The following EXOSC4 variants were observed in gnomAD, a reference collection of about 807,000 sequenced individuals.
EXOSC4 encodes exosome complex component RRP41.
A neutral mutation model predicts 20.0 loss-of-function variants in EXOSC4; 14 were observed. That is an observed-to-expected ratio of 0.70 (90% CI 0.46 to 1.09). The LOEUF (loss-of-function observed/expected upper bound fraction) is 1.09. Ranked by LOEUF, EXOSC4 falls within the 50% of genes least tolerant of loss-of-function variation. The pLI, the probability that EXOSC4 is intolerant of heterozygous loss-of-function variation, is 0.00. For synonymous variants in EXOSC4, 148 were observed against 146.4 expected (o/e 1.01, Z -0.08); for missense variants, 337 against 334.0 (o/e 1.01, Z -0.07).
the EXOSC4 span, among the ~76,000 whole-genome samples, chr8:144,066,610 T>G: frequency 6.6e-6 from 1 of 151,532 alleles, no homozygotes; most frequent in Admixed American, 6.6e-5. Context: ...CCTGGCTAAT[T>G]TTTTTGTATT....
At chr8:144,075,457 A>T (rs890590433), upstream of EXOSC4, among the ~76,000 whole-genome samples, 3 of 151,986 alleles carry the variant, frequency 2.0e-5, no homozygotes, top group Non-Finnish European at 4.4e-5. Context: ...CGATCTCCTG[A>T]CCTCGTGATC....
At chr8:144,075,284 T>C (rs938738581), upstream of EXOSC4, among the ~76,000 whole-genome samples, 3 of 151,736 alleles carry the variant, frequency 2.0e-5, no homozygotes, top group Non-Finnish European at 4.4e-5. Context: ...TGGAGTGCAG[T>C]GGTGCGATTT....
At chr8:144,073,277 T>C in the EXOSC4 span, among the ~76,000 whole-genome samples, 1 of 152,138 alleles carries the variant, frequency 6.6e-6, no homozygotes, top group East Asian at 1.9e-4. Context: ...TCCTAGCTAC[T>C]TGGGAAGCTG....
chr8:144,080,273 C>G lies in EXOSC4; in HGVS notation c.410C>G (p.Ala137Gly). 1 of 1,613,836 alleles carries G rather than the reference C, an allele frequency of 6.2e-7. No individual in the cohort carries two copies. Among genetic ancestry groups the G allele is most frequent in the Non-Finnish European group, 8.5e-7 (1 of 1,180,028 alleles). Reference protein sequence around the residue: ...VLQADGGTYAACVNAATLAVL... With the variant: ...VLQADGGTYAGCVNAATLAVL... ...CAGGCAGATGGTGGGACCTATGCAG[C>G]TTGTGTGAATGCAGCCACGCTGGCA... Residue 137 changes from alanine (A) to glycine (G), a missense_variant, in exon 3 of 3, where the codon GCT becomes GGT. Physicochemically the swap from Ala to Gly is moderately conservative, Grantham distance 60. Transcript: ENST00000316052. The surrounding 1 kb of genome is among the most constrained non-coding windows in gnomAD (Gnocchi z 4.9).
the EXOSC4 span, among the ~76,000 whole-genome samples, chr8:144,073,044 A>G: frequency 6.6e-6 from 1 of 152,228 alleles, no homozygotes; most frequent in Non-Finnish European, 1.5e-5. Flanking sequence ...GTGGCTCTGT[A>G]TGGTCCTACT....
upstream of EXOSC4, among the ~76,000 whole-genome samples, chr8:144,073,909 T>C (rs574277651): frequency 6.6e-6 from 1 of 151,614 alleles, no homozygotes; most frequent in South Asian, 2.1e-4. Flanking sequence ...AATGAGCTCA[T>C]GTTCCTGGGA....
At chr8:144,075,749 G>A (rs1373845461), upstream of EXOSC4, among the ~76,000 whole-genome samples, 2 of 152,260 alleles carry the variant, frequency 1.3e-5, no homozygotes, top group Non-Finnish European at 2.9e-5. Flanking sequence ...ACGCATCAAA[G>A]AAATGTAGGG....
chr8:144,076,648 TG>T (rs1368448453), upstream of EXOSC4, among the ~76,000 whole-genome samples: 2 of 152,202 alleles, frequency 1.3e-5, no homozygotes, highest in East Asian at 3.9e-4. Context: ...CGGCTATCAC[TG>T]GCCCACTTTG....
upstream of EXOSC4, among the ~76,000 whole-genome samples, chr8:144,075,050 T>A (rs968878944): frequency 6.6e-6 from 1 of 152,032 alleles, no homozygotes; most frequent in South Asian, 2.1e-4. Context: ...ACTAAATCAT[T>A]TTCTTGGTTT....
intron 1 of EXOSC4, 136 bp downstream of exon 1, chr8:144,079,035 T>A: frequency 9.7e-7 from 1 of 1,034,942 alleles, no homozygotes; most frequent in Non-Finnish European, 1.3e-6. Context: ...GCACCGCATC[T>A]CACTCGGAGT....
chr8:144,070,416 T>C, the EXOSC4 span, among the ~76,000 whole-genome samples: 9 of 150,796 alleles, frequency 6.0e-5, no homozygotes, highest in African/African-American at 2.2e-4. Context: ...CCCAGCTACT[T>C]GGGAGGCTGA....
At position 144,080,330 on chromosome 8, in the gene EXOSC4, TTGTG is replaced by T. The variant is rs868963381; in HGVS notation, c.472_475del (p.Cys158ArgfsTer70). 5 of 1,613,588 alleles carry T rather than the reference TTGTG, an allele frequency of 3.1e-6. No homozygotes were observed. The highest frequency in any genetic ancestry group is 4.2e-6 in the Non-Finnish European group (5 of 1,179,986). On this transcript the variant is annotated frameshift_variant, in exon 3 of 3. Transcript: ENST00000316052. LOFTEE classifies it high-confidence loss of function. This position sits in a 1 kb window ranked among gnomAD's most constrained non-coding sequence, Gnocchi z 4.9. Reference sequence around the variant, plus strand: ...GATGCCGGGATACCCATGAGAGACTTTGTGTGTGCGTGCTCAGCTGGCTTCGTGG... The same window carrying T: ...GATGCCGGGATACCCATGAGAGACTTTGTGCGTGCTCAGCTGGCTTCGTGG...
chr8:144,065,282 T>G, the EXOSC4 span, among the ~76,000 whole-genome samples: 1 of 152,228 alleles, frequency 6.6e-6, no homozygotes, highest in Admixed American at 6.5e-5. Context: ...TGCTGATTTG[T>G]AGACTGTCCT....
In EXOSC4 at chr8:144,079,230, C is replaced by T. The variant is rs1587586911; in HGVS notation, c.171+331C>T. 8 of 269,186 alleles carry T rather than the reference C, an allele frequency of 3.0e-5. No homozygotes were observed. The East Asian group carries it at 4.9e-4, about 16-fold the overall frequency. 16.7% of individuals were successfully genotyped at this position (269,186 alleles called of 1,614,324 possible). ...ACCTTATTATCCACGCGGTACTTCT[C>T]GCCCTACAATAAACCCTTTGTTTTG... On this transcript the variant is annotated intron_variant, in intron 1 of 2. Transcript: ENST00000316052.
rs1264484256 is a variant in EXOSC4, at chr8:144,080,414, AGCTGGCCCTGGCCCT to A, written c.556_570del (p.Ala186_Leu190del). ...GTGGAGGAAGCAGCTGGTGGCCCCCAGCTGGCCCTGGCCCTGCTGCCAGCCTCAGGACAGATTGCG... is the reference window on the plus strand; with the variant it reads ...GTGGAGGAAGCAGCTGGTGGCCCCCAGCTGCCAGCCTCAGGACAGATTGCG... On this transcript the variant is annotated inframe_deletion, in exon 3 of 3. Transcript: ENST00000316052. This position sits in a 1 kb window ranked among gnomAD's most constrained non-coding sequence, Gnocchi z 4.9. The A allele has an allele frequency of 6.2e-7, 1 of 1,610,944 alleles. No individual in the cohort carries two copies. Among genetic ancestry groups the A allele is most frequent in the East Asian group, 2.2e-5 (1 of 44,896 alleles).
At chr8:144,077,972 G>A (rs1265513425), upstream of EXOSC4, 1 of 152,198 alleles carries the variant, frequency 6.6e-6, no homozygotes, top group Non-Finnish European at 1.5e-5. Flanking sequence ...ATCTAGCTGA[G>A]CCTAGATAAC....
rs1554763343 is a variant in EXOSC4 at position 144,080,479 on chromosome 8, C to T, written c.616C>T (p.His206Tyr). Residue 206 changes from histidine (H) to tyrosine (Y), a missense_variant, in exon 3 of 3, where the codon CAC becomes TAC. Physicochemically the swap from His to Tyr is moderately conservative, Grantham distance 83. Transcript: ENST00000316052. This position sits in a 1 kb window ranked among gnomAD's most constrained non-coding sequence, Gnocchi z 4.9. ...GCTGCTTGAGATGGATGCCCGGCTG[C>T]ACGAGGACCACCTGGAGCGGGTGTT... ...IALLEMDARL[H>Y]EDHLERVLEA... The T allele has an allele frequency of 6.2e-7, 1 of 1,607,778 alleles. No individual in the cohort carries two copies. The highest frequency in any genetic ancestry group is 8.5e-7 in the Non-Finnish European group (1 of 1,180,000).
the EXOSC4 span, among the ~76,000 whole-genome samples, chr8:144,066,109 C>T: frequency 8.6e-5 from 13 of 151,276 alleles, no homozygotes; most frequent in Admixed American, 5.3e-4. Context: ...CTCTGCCTCC[C>T]GGATTCAGGC....
rs202030055 is a variant in EXOSC4, at chr8:144,078,909, C to T, written c.171+10C>T. ...CTACGGCCCGCACGAGGCGAGTGGGCGCGCGGGATGGGGAATCGTGTGGCC... is the reference window on the plus strand; with the variant it reads ...CTACGGCCCGCACGAGGCGAGTGGGTGCGCGGGATGGGGAATCGTGTGGCC... On this transcript the variant is annotated intron_variant, in intron 1 of 2. Coordinates refer to ENST00000316052, the MANE Select transcript of EXOSC4 (RefSeq NM_019037.3). The surrounding 1 kb of genome is among the most constrained non-coding windows in gnomAD (Gnocchi z 4.7). 4 of 1,452,898 alleles carry T rather than the reference C, an allele frequency of 2.8e-6. No homozygotes were observed. In the East Asian group the frequency reaches 8.3e-5, roughly 30 times the overall value. The allele number at this position is 1,452,898 out of a possible 1,614,324, so 90.0% of individuals were successfully genotyped here.
Sources: allele counts gnomAD v4.1 joint callset (sites outside exome capture counted in the v4.1 genomes callset), GRCh38; gene constraint gnomAD v4.1.1; non-coding constraint Gnocchi (gnomAD v3.1); transcripts MANE v1.5; gene names NCBI Gene and HGNC (gene_info 2026-07-23, HGNC 2026-07-21).